The following NLRP12 variants were observed in gnomAD, a reference collection of about 807,000 sequenced individuals.
NLRP12 encodes NLR family pyrin domain containing 12.
A neutral mutation model predicts 91.2 loss-of-function variants in NLRP12; 108 were observed. The ratio of observed to expected loss-of-function variants is 1.18; its 90% CI spans 1.01 to 1.39. NLRP12 has a LOEUF of 1.39. Ranked by LOEUF, NLRP12 falls within the 40% of genes most tolerant of loss-of-function variation. The pLI is 0.00. For missense variants in NLRP12, 1,530 were observed against 1,352.7 expected, an observed-to-expected ratio of 1.13 and a Z score of -2.06; for synonymous variants, 613 against 566.7, an observed-to-expected ratio of 1.08 and a Z score of -1.16.
chr19:53,805,295 C>T lies in NLRP12; in HGVS notation c.2399G>A (p.Arg800Lys). Residue 800 changes from arginine (R) to lysine (K), a missense_variant, in exon 5 of 10, where the codon AGG (arginine) becomes AAG (lysine). Coordinates refer to ENST00000324134, the MANE Select transcript of NLRP12 (RefSeq NM_144687.4). ...LCEGLRHPQC[R>K]LQMIQLRKCQ... ...AGAGACTCACTGAATCATCTGCAGC[C>T]TGCACTGGGGATGCCGCAGGCCCTC... 1 of 1,614,052 alleles carries T rather than the reference C, an allele frequency of 6.2e-7. No homozygotes were observed. The highest frequency in any genetic ancestry group is 1.3e-5 in the African/African-American group (1 of 75,030).
chr19:53,800,880 G>A (rs1216012735), intron 7 of NLRP12, among the ~76,000 whole-genome samples: 5 of 151,888 alleles, frequency 3.3e-5, no homozygotes, highest in Admixed American at 6.6e-5. Flanking sequence ...CACCATGCCC[G>A]GCCAGAAAAA....
At chr19:53,817,816 A>G (rs2092185615) in intron 1 of NLRP12, among the ~76,000 whole-genome samples, 1 of 151,996 alleles carries the variant, frequency 6.6e-6, no homozygotes, top group Admixed American at 6.6e-5. Context: ...TTTATGAGAC[A>G]GAGTCTCACT....
At chr19:53,805,622 A>G (rs753885109) in intron 4 of NLRP12, 172 bp from the exon 5 acceptor site, 8 of 688,410 alleles carry the variant, frequency 1.2e-5, no homozygotes, top group South Asian at 1.1e-4. Flanking sequence ...GGTTGAAGCA[A>G]TCCTCCTGCC....
chr19:53,803,606 C>T (rs1157525677), intron 6 of NLRP12: 1 of 359,244 alleles, frequency 2.8e-6, no homozygotes, highest in African/African-American at 2.1e-5. Context: ...TGGAGTCTCA[C>T]TCTGTCACCG....
intron 2 of NLRP12, among the ~76,000 whole-genome samples, chr19:53,813,304 T>TTC (rs1293567212): frequency 0.047 from 4,783 of 101,308 alleles, 157 homozygotes; most frequent in South Asian, 0.16. Context: ...CTTTTCTTTT[T>TTC]TTTTTTTTTT....
chr19:53,821,184 C>T (rs941981281), intron 1 of NLRP12, among the ~76,000 whole-genome samples: 6 of 151,488 alleles, frequency 4.0e-5, no homozygotes, highest in Non-Finnish European at 8.8e-5. Flanking sequence ...TACTGGCGCC[C>T]GCCACCACAC....
intron 7 of NLRP12, among the ~76,000 whole-genome samples, chr19:53,799,368 A>C (rs1006710329): frequency 6.6e-6 from 1 of 152,076 alleles, no homozygotes; most frequent in African/African-American, 2.4e-5. Context: ...AAAATACACA[A>C]AGTGTGTTTT....
At chr19:53,794,888 A>G (rs1403218768) in intron 9 of NLRP12, among the ~76,000 whole-genome samples, 6 of 151,616 alleles carry the variant, frequency 4.0e-5, no homozygotes, top group African/African-American at 1.5e-4. Context: ...TTTAGTAGAG[A>G]TGTGGTTTTG....
intron 6 of NLRP12, 21 bp downstream of exon 6, chr19:53,803,931 T>C: frequency 6.2e-7 from 1 of 1,611,442 alleles, no homozygotes; most frequent in Non-Finnish European, 8.5e-7. Flanking sequence ...TTTATTATAG[T>C]TGACCCCAGG....
In NLRP12 at chr19:53,798,283, C is replaced by G. The variant is rs139165669; in HGVS notation, c.2887G>C (p.Glu963Gln). ...LGDWGLWLLA[E>Q]GLQHPACRLQ... ...CTGCAGGCGGGATGTTGCAGCCCCTCAGCCAGCAACCACAGGCCCCAGTCT... is the reference window on the plus strand; with the variant it reads ...CTGCAGGCGGGATGTTGCAGCCCCTGAGCCAGCAACCACAGGCCCCAGTCT... The change falls in exon 8 of 10, where the codon GAG becomes CAG. Residue 963 changes from glutamate to glutamine, a missense_variant. Coordinates refer to ENST00000324134, the MANE Select transcript of NLRP12 (RefSeq NM_144687.4). The G allele has an allele frequency of 6.2e-7, 1 of 1,614,200 alleles. No homozygotes were observed.
chr19:53,806,281 G>A (rs573852202), intron 4 of NLRP12, among the ~76,000 whole-genome samples: 50 of 152,050 alleles, frequency 3.3e-4, no homozygotes, highest in African/African-American at 1.2e-3. Flanking sequence ...GCTCACACCT[G>A]TAATCTCAAC....
intron 1 of NLRP12, among the ~76,000 whole-genome samples, chr19:53,820,170 A>C (rs1051801396): frequency 2.0e-5 from 3 of 152,122 alleles, no homozygotes; most frequent in Non-Finnish European, 2.9e-5. Flanking sequence ...AGGGGAGTCA[A>C]GACTCTTTCT....
intron 4 of NLRP12, 92 bp from the exon 5 acceptor site, chr19:53,805,542 C>T (rs1437313271): frequency 3.9e-6 from 5 of 1,277,032 alleles, no homozygotes; most frequent in African/African-American, 3.3e-5. Context: ...TTTTCTGAGA[C>T]AGAGTCGCTC....
chr19:53,813,281 C>CTTTTTTTTTTTTCTTTTCTTTTTT (rs2092105484), intron 2 of NLRP12, among the ~76,000 whole-genome samples: 2 of 111,568 alleles, frequency 1.8e-5, no homozygotes, highest in Non-Finnish European at 3.7e-5. Flanking sequence ...AACTGCTATT[C>CTTTTTTTTTTTTCTTTTCTTTTTT]TTTTTTTTTT....
rs150125007 is a variant in NLRP12 at position 53,808,260 on chromosome 19, T to A, written c.2073-595A>T. 1.8e-4 allele frequency: 33 copies of A among 185,494 alleles called. No homozygotes were observed. The East Asian group carries it at 4.3e-3, about 24-fold the overall frequency. 11.5% of individuals were successfully genotyped at this position (185,494 alleles called of 1,614,324 possible). ...ATTTTTAGAGATGGGGATCTCATCA[T>A]GTTGTCCAGGCTGCACCTGGCTCTA... On this transcript the variant is annotated intron_variant, in intron 3 of 9. Transcript: ENST00000324134.
rs760839873 is a variant in NLRP12 at position 53,809,579 on chromosome 19, A to T, written c.2072+8T>A. 6.3e-7 allele frequency: 1 copy of T among 1,595,478 alleles called. No homozygotes were observed. Among genetic ancestry groups the T allele is most frequent in the Non-Finnish European group, 8.6e-7 (1 of 1,168,662 alleles). On this transcript the variant is annotated splice_region_variant and intron_variant, in intron 3 of 9. Coordinates refer to ENST00000324134, the MANE Select transcript of NLRP12 (RefSeq NM_144687.4). ...AGCAGCCCCAGGGGATACCCCAGGG[A>T]TACTTACAGCTGCACCAACAGCGTG...
chr19:53,804,215 C>T (rs1408332397), intron 5 of NLRP12, 93 bp from the exon 6 acceptor site: 8 of 1,407,810 alleles, frequency 5.7e-6, no homozygotes, highest in Non-Finnish European at 6.9e-6. Context: ...TATTTAGGAA[C>T]AGGTTGTTGC....
chr19:53,823,543 T>A lies in NLRP12; in HGVS notation c.289+343A>T, dbSNP rs577309574. On this transcript the variant is annotated intron_variant, in intron 1 of 9. Coordinates refer to ENST00000324134, the MANE Select transcript of NLRP12 (RefSeq NM_144687.4). ...ACATATATTTTAAATATATATATTT[T>A]AAAAAAATATATTTTAAATATTTGA... 5.2e-4 allele frequency among the ~76,000 whole-genome samples: 74 copies of A among 142,394 alleles called. 1 individual carries two copies. The highest frequency in any genetic ancestry group is 3.6e-3 in the Middle Eastern group (1 of 276). 93.4% of individuals were successfully genotyped at this position (142,394 alleles called of 152,430 possible). A position where few individuals can be genotyped will look rare whatever the true frequency, so the allele number is the denominator to read the frequency against.
intron 2 of NLRP12, among the ~76,000 whole-genome samples, chr19:53,813,310 T>TC (rs2092108675): frequency 2.2e-5 from 3 of 137,950 alleles, no homozygotes; most frequent in Non-Finnish European, 3.1e-5. Context: ...TTTTTTTTTT[T>TC]TTTTTTTTTT....
Sources: allele counts gnomAD v4.1 joint callset (sites outside exome capture counted in the v4.1 genomes callset), GRCh38; gene constraint gnomAD v4.1.1; transcripts MANE v1.5; gene names NCBI Gene and HGNC (gene_info 2026-07-23, HGNC 2026-07-21).